The following LRBA variants were observed in gnomAD, a reference collection of about 807,000 sequenced individuals.
LRBA encodes lipopolysaccharide-responsive and beige-like anchor protein.
LRBA carries 176 observed loss-of-function variants against 330.0 expected under a neutral mutation model. The ratio of observed to expected loss-of-function variants is 0.53; its 90% confidence interval spans 0.47 to 0.60. The LOEUF (loss-of-function observed/expected upper bound fraction) is 0.60. Among genes scored for constraint, LRBA ranks in the 20% least tolerant of loss-of-function variants. The pLI is 0.00. For missense variants in LRBA, 3,259 were observed against 3,444.8 expected (o/e 0.95, Z 1.35); for synonymous variants, 1,230 against 1,193.0 (o/e 1.03, Z -0.64).
At chr4:150,671,033 TGTGTGTGTGAGAGA>T (rs1486986097) in intron 37 of LRBA, among the ~76,000 whole-genome samples, 83 of 147,756 alleles carry the variant, frequency 5.6e-4, no homozygotes, top group African/African-American at 2.0e-3. Flanking sequence ...TGTGTGTGTG[TGTGTGTGTGAGAGA>T]GAGAGAGAGA....
intron 17 of LRBA, among the ~76,000 whole-genome samples, chr4:150,882,968 T>G (rs887103711): frequency 1.3e-5 from 2 of 152,188 alleles, no homozygotes; most frequent in Non-Finnish European, 2.9e-5. Flanking sequence ...TTGATGAAAA[T>G]TAAATTGTCA....
intron 28 of LRBA, chr4:150,841,019 A>G (rs1323151602): frequency 1.6e-6 from 2 of 1,258,330 alleles, no homozygotes; most frequent in Non-Finnish European, 2.1e-6. Context: ...AAAATCTATG[A>G]TATTTTGCAG....
At chr4:150,530,519 C>G (rs998621280) in intron 40 of LRBA, among the ~76,000 whole-genome samples, 28 of 152,186 alleles carry the variant, frequency 1.8e-4, no homozygotes, top group African/African-American at 6.0e-4. Context: ...TGTATAAATA[C>G]CACAGCTCCC....
Position 150,688,569 on chromosome 4 carries a change from A to G in LRBA, c.5755-4852T>C, listed in dbSNP as rs148261507. Among the ~76,000 whole-genome samples, 264 of 152,358 alleles carry G rather than the reference A, an allele frequency of 1.7e-3. 1 individual carries two copies. The highest frequency in any genetic ancestry group is 3.0e-3 in the Non-Finnish European group (201 of 68,032). ...CAATCTATCCATCTGACAAAGGGCT[A>G]ATTTCCAGAATCTACAAGGAACTTA... On this transcript the variant is annotated intron_variant, in intron 36 of 56. Coordinates refer to ENST00000651943, the MANE Select transcript of LRBA (RefSeq NM_001364905.1).
intron 53 of LRBA, among the ~76,000 whole-genome samples, chr4:150,292,015 T>C (rs1202627656): frequency 2.0e-5 from 3 of 152,190 alleles, no homozygotes; most frequent in African/African-American, 4.8e-5. Flanking sequence ...TAGGTGGGAA[T>C]TGAACAATGG....
chr4:150,913,670 T>A (rs143016253), intron 9 of LRBA, among the ~76,000 whole-genome samples: 3 of 152,360 alleles, frequency 2.0e-5, no homozygotes, highest in South Asian at 2.1e-4. Flanking sequence ...CTACTTCTTT[T>A]AATTCTATCA....
intron 40 of LRBA, among the ~76,000 whole-genome samples, chr4:150,546,129 T>C (rs914209762): frequency 6.6e-6 from 1 of 152,168 alleles, no homozygotes; most frequent in African/African-American, 2.4e-5. Context: ...GTAATGCTAT[T>C]GCGATATTAC....
chr4:150,322,459 T>C (rs1732644664), intron 49 of LRBA, among the ~76,000 whole-genome samples: 1 of 152,218 alleles, frequency 6.6e-6, no homozygotes, highest in Non-Finnish European at 1.5e-5. Flanking sequence ...TGAAACACTT[T>C]GATGAAATGC....
Position 150,735,259 on chromosome 4 carries a change from T to C in LRBA, c.5753A>G (p.Glu1918Gly). 1 of 1,611,100 alleles carries C rather than the reference T, an allele frequency of 6.2e-7. No homozygotes were observed. The highest frequency in any genetic ancestry group is 8.5e-7 in the Non-Finnish European group (1 of 1,177,332). Reference protein sequence around the residue: ...AEDIHRHAEFESLCAQYSADK... With the variant: ...AEDIHRHAEFGSLCAQYSADK... ...ACACCAACCATATGTGTAACCTACC[T>C]CAAATTCCGCATGTCTGTGAATATC... The change falls in exon 36 of 57, where the codon GAG becomes GGG. Residue 1918 changes from glutamate to glycine, a missense_variant and splice_region_variant. By Grantham distance (98) the Glu-to-Gly change is moderately conservative (BLOSUM62 -2). Transcript: ENST00000651943.
In LRBA at chr4:150,849,449, T is replaced by C. The variant is rs777294960; in HGVS notation, c.4131A>G (p.Pro1377=). The change falls in exon 25 of 57, where the codon CCA becomes CCG. Residue 1377 remains proline (P), a synonymous_variant. Transcript: ENST00000651943. ...TAGCCGATGTAGCAGCTGAAAGCAA[T>C]GGCAGTATACCCCCACAAGCCATGA... The part of the protein sequence containing the change: ...NMVMACGGIL[P]LLSAATSATH... 2 of 1,614,024 alleles carry C rather than the reference T, an allele frequency of 1.2e-6. No individual in the cohort carries two copies. The highest frequency in any genetic ancestry group is 2.2e-5 in the East Asian group (1 of 44,872).
intron 51 of LRBA, 69 bp downstream of exon 51, chr4:150,315,492 C>A (rs1731602416): frequency 2.3e-6 from 3 of 1,293,736 alleles, no homozygotes; most frequent in Non-Finnish European, 3.4e-6. Context: ...TGAAAAACAA[C>A]TGTAATCTAC....
chr4:150,456,939 G>A (rs560102045), intron 44 of LRBA, among the ~76,000 whole-genome samples: 3 of 152,166 alleles, frequency 2.0e-5, no homozygotes, highest in Non-Finnish European at 2.9e-5. Context: ...CTTCTCCCCA[G>A]TGTACGTTCT....
At chr4:150,324,969 G>C (rs1487468222) in intron 49 of LRBA, among the ~76,000 whole-genome samples, 1 of 151,972 alleles carries the variant, frequency 6.6e-6, no homozygotes, top group Non-Finnish European at 1.5e-5. Flanking sequence ...AGGTAAAATG[G>C]CCACCTTATT....
intron 35 of LRBA, among the ~76,000 whole-genome samples, chr4:150,746,525 T>TG (rs1732752341): frequency 6.6e-6 from 1 of 150,872 alleles, no homozygotes; most frequent in Non-Finnish European, 1.5e-5. Context: ...TTTTTTTTTT[T>TG]TGTGAGACAG....
chr4:150,504,224 T>A (rs2152121267), intron 40 of LRBA, among the ~76,000 whole-genome samples: 1 of 152,178 alleles, frequency 6.6e-6, no homozygotes, highest in African/African-American at 2.4e-5. Flanking sequence ...AACATTCAAA[T>A]TCAGGAAATA....
intron 37 of LRBA, among the ~76,000 whole-genome samples, chr4:150,616,211 T>C (rs1441684516): frequency 2.0e-5 from 3 of 152,118 alleles, no homozygotes; most frequent in Non-Finnish European, 4.4e-5. Flanking sequence ...CATTGATGAC[T>C]AGTGTTTACA....
chr4:150,937,575 A>G (rs544533953), intron 2 of LRBA, among the ~76,000 whole-genome samples: 3 of 152,228 alleles, frequency 2.0e-5, no homozygotes, highest in Non-Finnish European at 2.9e-5. Flanking sequence ...ACATTTTAGC[A>G]TGATTTGGTC....
intron 37 of LRBA, among the ~76,000 whole-genome samples, chr4:150,663,551 GAAA>G (rs796940773): frequency 1.5e-5 from 2 of 134,436 alleles, no homozygotes; most frequent in Admixed American, 7.5e-5. Context: ...CACTTATGCT[GAAA>G]AAAAAAAAAG....
chr4:150,830,002 A>C (rs987186334), intron 29 of LRBA, among the ~76,000 whole-genome samples: 8 of 152,136 alleles, frequency 5.3e-5, no homozygotes, highest in African/African-American at 1.9e-4. Flanking sequence ...TCTACCACTA[A>C]AACATATTCA....
Sources: gnomAD v4.1 joint callset for allele counts (sites outside exome capture counted in the v4.1 genomes callset) on GRCh38, gnomAD v4.1.1 for gene constraint, MANE v1.5 for transcripts, NCBI Gene and HGNC (gene_info 2026-07-23, HGNC 2026-07-21) for gene names.